The following ZNF445 variants were observed in gnomAD, a reference collection of about 807,000 sequenced individuals.
ZNF445 encodes zinc finger protein 168.
A neutral mutation model predicts 93.9 loss-of-function variants in ZNF445; 19 were observed. That is an observed-to-expected ratio of 0.20 (90% CI 0.14 to 0.30). The LOEUF (loss-of-function observed/expected upper bound fraction) is 0.30. Ranked by LOEUF, ZNF445 falls within the 10% of genes least tolerant of loss-of-function variation. The pLI is 1.00. For missense variants in ZNF445, 1,058 were observed against 1,259.4 expected, an observed-to-expected ratio of 0.84 and a Z score of 2.42; for synonymous variants, 449 against 446.3, an observed-to-expected ratio of 1.01 and a Z score of -0.08.
rs1361297986 is a variant in ZNF445, at chr3:44,435,502, G to A, written c.*11073C>T. The A allele has an allele frequency of 1.3e-5, 2 of 152,212 alleles. No homozygotes were observed. Among genetic ancestry groups the A allele is most frequent in the African/African-American group, 4.8e-5 (2 of 41,442 alleles). 9.4% of individuals were successfully genotyped at this position (152,212 alleles called of 1,614,324 possible). ...AATTGTCATTCTCCAAGATCCATCTGTCTTCTGCACAGGCTGAGTAGGTGA... is the reference window on the plus strand; with the variant it reads ...AATTGTCATTCTCCAAGATCCATCTATCTTCTGCACAGGCTGAGTAGGTGA... On this transcript the variant is annotated 3_prime_UTR_variant, in exon 8 of 8. Coordinates refer to ENST00000396077, the MANE Select transcript of ZNF445 (RefSeq NM_181489.6).
chr3:44,462,438 C>A (rs1233005753), intron 1 of ZNF445, among the ~76,000 whole-genome samples: 1 of 152,182 alleles, frequency 6.6e-6, no homozygotes, highest in African/African-American at 2.4e-5. Flanking sequence ...TCTCTAGCCT[C>A]CTTCTGGGAA....
intron 1 of ZNF445, among the ~76,000 whole-genome samples, chr3:44,475,031 G>A (rs990872321): frequency 2.0e-5 from 3 of 152,028 alleles, no homozygotes; most frequent in South Asian, 4.2e-4. Context: ...GGGATGGGGC[G>A]GGGCAGAGGT....
rs1698009642 is a variant in ZNF445 at position 44,455,104 on chromosome 3, C to T, written c.429+17G>A. ...CAGGCAGAGTTCCCTGGGCACCACACACTTGCTCACACTCACCCTCCAGGA... is the reference window on the plus strand; with the variant it reads ...CAGGCAGAGTTCCCTGGGCACCACATACTTGCTCACACTCACCCTCCAGGA... On this transcript the variant is annotated intron_variant, in intron 3 of 7. Coordinates refer to ENST00000396077, the MANE Select transcript of ZNF445 (RefSeq NM_181489.6). The T allele has an allele frequency of 1.2e-6, 2 of 1,614,028 alleles. No homozygotes were observed. The highest frequency in any genetic ancestry group is 1.7e-6 in the Non-Finnish European group (2 of 1,179,982).
intron 1 of ZNF445, among the ~76,000 whole-genome samples, chr3:44,473,346 C>T (rs1283599059): frequency 2.6e-5 from 4 of 151,502 alleles, no homozygotes; most frequent in East Asian, 3.9e-4. Flanking sequence ...CCCAGCTACT[C>T]GGGAGGCTGA....
chr3:44,454,216 A>G (rs926822032), intron 3 of ZNF445, among the ~76,000 whole-genome samples: 3 of 148,728 alleles, frequency 2.0e-5, no homozygotes, highest in Non-Finnish European at 4.5e-5. Context: ...AAAAGAAAAG[A>G]AAAAAAAAAG....
chr3:44,459,923 T>C (rs1411582851), intron 1 of ZNF445, among the ~76,000 whole-genome samples: 1 of 152,216 alleles, frequency 6.6e-6, no homozygotes, highest in Non-Finnish European at 1.5e-5. Context: ...CTGTGAGAGC[T>C]AGGTGTGGTG....
rs538934199 is a variant in ZNF445 at position 44,436,316 on chromosome 3, T to C, written c.*10259A>G. The C allele has an allele frequency of 1.3e-5, 2 of 152,342 alleles. No individual in the cohort carries two copies. The highest frequency in any genetic ancestry group is 3.9e-4 in the East Asian group (2 of 5,178). 9.4% of individuals were successfully genotyped at this position (152,342 alleles called of 1,614,324 possible). A position where few individuals can be genotyped will look rare whatever the true frequency, so the allele number is the denominator to read the frequency against. On this transcript the variant is annotated 3_prime_UTR_variant, in exon 8 of 8. Transcript: ENST00000396077. ...TCAGGATCCTGCTTTGGCTGCACTGTCCATGGCAGTCACCACACCAATTGT... is the reference window on the plus strand; with the variant it reads ...TCAGGATCCTGCTTTGGCTGCACTGCCCATGGCAGTCACCACACCAATTGT...
In ZNF445 at chr3:44,435,077, C is replaced by T. The variant is rs1022910439; in HGVS notation, c.*11498G>A. The T allele has an allele frequency of 5.3e-5, 8 of 152,102 alleles. No individual in the cohort carries two copies. Among genetic ancestry groups the T allele is most frequent in the Non-Finnish European group, 1.2e-4 (8 of 68,030 alleles). The allele number at this position is 152,102 out of a possible 1,614,324, so 9.4% of individuals were successfully genotyped here. A position where few individuals can be genotyped will look rare whatever the true frequency, so the allele number is the denominator to read the frequency against. ...TTTTGACATCAGAGGGCCAAAAACT[C>T]CACCCTCAGATCATGTTAACGCCAC... On this transcript the variant is annotated 3_prime_UTR_variant, in exon 8 of 8. Transcript: ENST00000396077.
intron 3 of ZNF445, among the ~76,000 whole-genome samples, chr3:44,451,978 T>C (rs1410543493): frequency 2.6e-5 from 4 of 152,166 alleles, no homozygotes; most frequent in Non-Finnish European, 5.9e-5. Context: ...AGCTCCCAAA[T>C]TGTAAACTTG....
Position 44,460,788 on chromosome 3 carries a change from CCT to C in ZNF445, c.-268-2426_-268-2425del, listed in dbSNP as rs553501170. ...GAATTACTTTCTCTATTGCAATTCC[CCT>C]GTCTTGATGAATCAGCTCTGTCTAA... On this transcript the variant is annotated intron_variant, in intron 1 of 7. Coordinates refer to ENST00000396077, the MANE Select transcript of ZNF445 (RefSeq NM_181489.6). Among the ~76,000 whole-genome samples, 58 of 152,346 alleles carry C rather than the reference CCT, an allele frequency of 3.8e-4. No individual in the cohort carries two copies. In the East Asian group the frequency reaches 0.011, roughly 28 times the overall value.
chr3:44,461,397 T>C (rs1432955066), intron 1 of ZNF445, among the ~76,000 whole-genome samples: 3 of 152,092 alleles, frequency 2.0e-5, no homozygotes, highest in African/African-American at 7.2e-5. Context: ...TGGTTAGGGA[T>C]CTGATTTAGA....
rs1397536403 is a variant in ZNF445, at chr3:44,450,881, G to C, written c.680C>G (p.Thr227Arg). ...GDQVTPTRSL[T>R]AQLQETMTFK... The stretch of plus-strand genomic sequence containing the variant: ...TCTGTGGCTCACCTGGAGCTGGGCT[G>C]TCAGGGACCTGGTTGGTGTTACCTG... The change falls in exon 5 of 8, where the codon ACA (threonine) becomes AGA (arginine). Residue 227 changes from threonine to arginine, a missense_variant. Thr to Arg is a moderately conservative substitution (Grantham distance 71). This residue lies in a region of ZNF445 where 657 missense variants were observed against 746.4 expected (regional missense o/e 0.88). Coordinates refer to ENST00000396077, the MANE Select transcript of ZNF445 (RefSeq NM_181489.6). 1.3e-6 allele frequency: 2 copies of C among 1,584,960 alleles called. No individual in the cohort carries two copies. Among genetic ancestry groups the C allele is most frequent in the Non-Finnish European group, 8.6e-7 (1 of 1,166,704 alleles).
chr3:44,467,972 C>T (rs1051264908), intron 1 of ZNF445, among the ~76,000 whole-genome samples: 1 of 152,160 alleles, frequency 6.6e-6, no homozygotes, highest in African/African-American at 2.4e-5. Context: ...TACTCCTCAT[C>T]CTAGGACTCA....
chr3:44,471,100 A>G (rs1489814951), intron 1 of ZNF445, among the ~76,000 whole-genome samples: 1 of 152,224 alleles, frequency 6.6e-6, no homozygotes, highest in Non-Finnish European at 1.5e-5. Flanking sequence ...AGAGAAATAC[A>G]AGCAGTGCTG....
At chr3:44,452,756 T>A (rs935011020) in intron 3 of ZNF445, among the ~76,000 whole-genome samples, 1 of 152,230 alleles carries the variant, frequency 6.6e-6, no homozygotes, top group African/African-American at 2.4e-5. Context: ...TTAAATTTTT[T>A]AAAATAGTAC....
In ZNF445 at chr3:44,447,698, C is replaced by T; in HGVS notation, c.1973G>A (p.Cys658Tyr). ...AGGAGATTGCCTGAAGCCTTCACGA[C>T]ATTCATCTTGTTTGTAGAATTTTTC... ...EEEKFYKQDE[C>Y]REGFRQSPDC... Residue 658 changes from cysteine to tyrosine, a missense_variant, in exon 8 of 8, where the codon TGT becomes TAT. Physicochemically the swap from Cys to Tyr is radical, Grantham distance 194. Around this residue, in one of 3 missense-constraint regions of ZNF445, gnomAD observed 387 missense variants for 475.7 expected, o/e 0.81. Transcript: ENST00000396077. The surrounding 1 kb of genome is among the most constrained non-coding windows in gnomAD (Gnocchi z 4.7). 6.2e-7 allele frequency: 1 copy of T among 1,614,158 alleles called. No homozygotes were observed. Among genetic ancestry groups the T allele is most frequent in the South Asian group, 1.1e-5 (1 of 91,084 alleles).
chr3:44,446,826 C>G lies in ZNF445; in HGVS notation c.2845G>C (p.Glu949Gln). ...LRLQKLKPSEEMPLEDCKEAC... is the reference protein window; with the variant it reads ...LRLQKLKPSEQMPLEDCKEAC... ...TCTTTGCAGTCTTCGAGGGGCATCT[C>G]TTCACTTGGTTTTAGCTTCTGTAAT... Residue 949 changes from glutamate (E) to glutamine (Q), a missense_variant, in exon 8 of 8, where the codon GAG (glutamate) becomes CAG (glutamine). Around this residue, in one of 3 missense-constraint regions of ZNF445, gnomAD observed 387 missense variants for 475.7 expected, o/e 0.81. Transcript: ENST00000396077. The surrounding 1 kb of genome is among the most constrained non-coding windows in gnomAD (Gnocchi z 4.2). The G allele has an allele frequency of 6.2e-7, 1 of 1,614,174 alleles. No homozygotes were observed. The highest frequency in any genetic ancestry group is 8.5e-7 in the Non-Finnish European group (1 of 1,180,034).
Position 44,440,838 on chromosome 3 carries a change from T to C in ZNF445, c.*5737A>G, listed in dbSNP as rs1423116370. On this transcript the variant is annotated 3_prime_UTR_variant, in exon 8 of 8. Transcript: ENST00000396077. ...TTATTCATAAGTTTCCCGGGAAAGGTGTGAGCAATTACCAGAACTGAGGGT... is the reference window on the plus strand; with the variant it reads ...TTATTCATAAGTTTCCCGGGAAAGGCGTGAGCAATTACCAGAACTGAGGGT... 1 of 152,030 alleles carries C rather than the reference T, an allele frequency of 6.6e-6. No homozygotes were observed. The highest frequency in any genetic ancestry group is 6.6e-5 in the Admixed American group (1 of 15,256). 9.4% of individuals were successfully genotyped at this position (152,030 alleles called of 1,614,324 possible).
chr3:44,460,371 G>A (rs922873119), intron 1 of ZNF445, among the ~76,000 whole-genome samples: 1 of 152,192 alleles, frequency 6.6e-6, no homozygotes, highest in East Asian at 1.9e-4. Flanking sequence ...CTTGCCTGGG[G>A]ACTAGATTGC....
Sources: gnomAD v4.1 joint callset for allele counts (sites outside exome capture counted in the v4.1 genomes callset) on GRCh38, gnomAD v4.1.1 for gene constraint, gnomAD v4.1.1 regional missense constraint, Gnocchi (gnomAD v3.1) non-coding constraint, MANE v1.5 for transcripts, NCBI Gene and HGNC (gene_info 2026-07-23, HGNC 2026-07-21) for gene names.